The following SOX5 variants were observed in gnomAD, a reference collection of about 807,000 sequenced individuals.
SOX5 encodes SRY-box transcription factor 5.
SOX5 carries 9 observed loss-of-function variants against 92.0 expected under a neutral mutation model. The ratio of observed to expected loss-of-function variants is 0.10; its 90% CI spans 0.06 to 0.17. SOX5 has a LOEUF of 0.17. Among genes scored for constraint, SOX5 ranks in the 10% least tolerant of loss-of-function variants. The pLI is 1.00. For synonymous variants in SOX5, 344 were observed against 336.3 expected (o/e 1.02, Z -0.25); for missense variants, 642 against 944.5 (o/e 0.68, Z 4.20).
chr12:23,880,347 T>C (rs951697314), intron 2 of SOX5, among the ~76,000 whole-genome samples: 40 of 152,322 alleles, frequency 2.6e-4, no homozygotes, highest in African/African-American at 9.6e-4. Context: ...TATGGTATTA[T>C]GAAGCTTTAA....
chr12:24,502,678 G>A (rs891262905), intron 1 of SOX5, among the ~76,000 whole-genome samples: 2 of 152,124 alleles, frequency 1.3e-5, no homozygotes, highest in Non-Finnish European at 2.9e-5. Context: ...TATTTGCATA[G>A]TCTCACAGTA....
chr12:24,054,102 G>C (rs1043496752), intron 4 of SOX5, among the ~76,000 whole-genome samples: 1 of 152,190 alleles, frequency 6.6e-6, no homozygotes, highest in Non-Finnish European at 1.5e-5. Context: ...AGACATTAAA[G>C]AACACAGACT....
At chr12:24,526,908 T>G (rs1950762207) in intron 1 of SOX5, among the ~76,000 whole-genome samples, 1 of 152,034 alleles carries the variant, frequency 6.6e-6, no homozygotes, top group Non-Finnish European at 1.5e-5. Context: ...GCCCTCAATC[T>G]GCCAGCCTCA....
intron 4 of SOX5, among the ~76,000 whole-genome samples, chr12:23,968,755 C>T (rs1286926727): frequency 1.3e-5 from 2 of 152,296 alleles, no homozygotes; most frequent in East Asian, 1.9e-4. Context: ...TCTTTACTTC[C>T]ATTGCAGCAG....
intron 6 of SOX5, among the ~76,000 whole-genome samples, chr12:23,713,844 C>A (rs951283320): frequency 2.0e-5 from 3 of 150,934 alleles, no homozygotes; most frequent in Middle Eastern, 3.5e-3. Flanking sequence ...GTAATCCCAG[C>A]ACTTTGAGAG....
At chr12:24,030,063 T>C (rs1036764057) in intron 4 of SOX5, among the ~76,000 whole-genome samples, 1 of 151,950 alleles carries the variant, frequency 6.6e-6, no homozygotes, top group Non-Finnish European at 1.5e-5. Context: ...GAGGGTTAAG[T>C]CACAAGCTCA....
intron 3 of SOX5, among the ~76,000 whole-genome samples, chr12:23,828,871 C>A (rs2096272365): frequency 6.6e-6 from 1 of 152,108 alleles, no homozygotes; most frequent in African/African-American, 2.4e-5. Flanking sequence ...AGATTATCAA[C>A]ATGTAAGATG....
intron 4 of SOX5, among the ~76,000 whole-genome samples, chr12:24,120,723 T>G (rs1948524642): frequency 6.6e-6 from 1 of 152,242 alleles, no homozygotes; most frequent in Admixed American, 6.5e-5. Context: ...ACACTATATC[T>G]GTAACTTTTT....
At chr12:23,673,707 G>T (rs1304767016) in intron 6 of SOX5, among the ~76,000 whole-genome samples, 3 of 150,752 alleles carry the variant, frequency 2.0e-5, no homozygotes, top group African/African-American at 7.3e-5. Context: ...TTCTTATGTT[G>T]AATTTCAGTT....
At chr12:23,620,036 A>G (rs2076992965) in intron 8 of SOX5, among the ~76,000 whole-genome samples, 1 of 151,552 alleles carries the variant, frequency 6.6e-6, no homozygotes, top group Admixed American at 6.6e-5. Flanking sequence ...ATAGAAGTAT[A>G]TGGTGCTCTA....
At chr12:24,364,304 C>T (rs750664020) in intron 2 of SOX5, among the ~76,000 whole-genome samples, 3 of 151,756 alleles carry the variant, frequency 2.0e-5, no homozygotes, top group Non-Finnish European at 4.4e-5. Context: ...AAATGCATTT[C>T]GTCTTATCTG....
chr12:23,929,443 C>T (rs571174275), intron 1 of SOX5, among the ~76,000 whole-genome samples: 3 of 152,006 alleles, frequency 2.0e-5, no homozygotes, highest in African/African-American at 7.2e-5. Flanking sequence ...TAGCCAATTA[C>T]ATTCAGGGGT....
chr12:23,633,283 T>C (rs913629927), intron 8 of SOX5, among the ~76,000 whole-genome samples: 11 of 152,096 alleles, frequency 7.2e-5, no homozygotes, highest in African/African-American at 2.7e-4. Flanking sequence ...ATATTCATGA[T>C]GCCCATTAAG....
chr12:23,837,255 ATTTATATAATATATAATATGTATT>A lies in SOX5; in HGVS notation c.481+8704_481+8727del, dbSNP rs1237952504. Among the ~76,000 whole-genome samples, 66 of 77,962 alleles carry A rather than the reference ATTTATATAATATATAATATGTATT, an allele frequency of 8.5e-4. 1 individual carries two copies. The highest frequency in any genetic ancestry group is 3.4e-3 in the South Asian group (9 of 2,610). 51.1% of individuals were successfully genotyped at this position (77,962 alleles called of 152,430 possible). A position where few individuals can be genotyped will look rare whatever the true frequency, so the allele number is the denominator to read the frequency against. ...ATATATTTATATAATATATATTTAT[ATTTATATAATATATAATATGTATT>A]TATATTTATATTTATATAATATATA... On this transcript the variant is annotated intron_variant, in intron 3 of 14. Coordinates refer to ENST00000451604, the MANE Select transcript of SOX5 (RefSeq NM_006940.6).
chr12:23,540,662 T>C (rs146735844), intron 13 of SOX5, among the ~76,000 whole-genome samples: 72 of 152,278 alleles, frequency 4.7e-4, no homozygotes, highest in African/African-American at 1.5e-3. Context: ...CCTCTTCCCC[T>C]GATCTAGCGC....
chr12:23,562,767 G>A (rs1215323125), intron 11 of SOX5, among the ~76,000 whole-genome samples: 1 of 152,232 alleles, frequency 6.6e-6, no homozygotes, highest in Non-Finnish European at 1.5e-5. Context: ...TTATGATAAA[G>A]TAAAAATTTC....
At chr12:23,829,843 C>G (rs1212164733) in intron 3 of SOX5, among the ~76,000 whole-genome samples, 1 of 152,104 alleles carries the variant, frequency 6.6e-6, no homozygotes, top group East Asian at 1.9e-4. Context: ...AGGCTATAAT[C>G]TTAAATATCA....
chr12:23,881,500 G>C (rs2137130821), intron 2 of SOX5, among the ~76,000 whole-genome samples: 1 of 152,274 alleles, frequency 6.6e-6, no homozygotes. Context: ...CAATTTAAGA[G>C]AAGATGTTCA....
chr12:23,930,928 T>G (rs1178604532), intron 1 of SOX5, among the ~76,000 whole-genome samples: 2 of 151,792 alleles, frequency 1.3e-5, no homozygotes, highest in Non-Finnish European at 2.9e-5. Flanking sequence ...TTAGGACTCC[T>G]TGTGTTCTAC....
Sources: gnomAD v4.1 joint callset for allele counts (sites outside exome capture counted in the v4.1 genomes callset) on GRCh38, gnomAD v4.1.1 for gene constraint, MANE v1.5 for transcripts, NCBI Gene and HGNC (gene_info 2026-07-23, HGNC 2026-07-21) for gene names.